SLC43A2: variants seen among roughly 807,000 people sequenced by gnomAD.
SLC43A2 encodes the protein solute carrier family 43 member 2, also known as large neutral amino acids transporter small subunit 4.
A neutral mutation model predicts 63.2 loss-of-function variants in SLC43A2; 38 were observed. The observed-to-expected ratio is 0.60, with a 90% CI of 0.46 to 0.79. SLC43A2 has a LOEUF of 0.79. Ranked by LOEUF, SLC43A2 falls within the 30% of genes least tolerant of loss-of-function variation. The pLI, the probability that SLC43A2 is intolerant of heterozygous loss-of-function variation, is 0.00. For synonymous variants in SLC43A2, 322 were observed against 331.0 expected, an observed-to-expected ratio of 0.97 and a Z score of 0.30; for missense variants, 644 against 756.2, an observed-to-expected ratio of 0.85 and a Z score of 1.74.
At chr17:1,586,928 T>TGGGCCCCCCCCCCCCCCCAAACC in intron 9 of SLC43A2, 2 of 1,232,916 alleles carry the variant, frequency 1.6e-6, no homozygotes, top group Non-Finnish European at 2.2e-6. Flanking sequence ...TCCCTGACAA[T>TGGGCCCCCCCCCCCCCCCAAACC]CCCCCCCACC....
intron 2 of SLC43A2, among the ~76,000 whole-genome samples, chr17:1,626,091 A>C (rs1908639725): frequency 6.7e-6 from 1 of 150,304 alleles, no homozygotes; most frequent in South Asian, 2.1e-4. Context: ...AAAAACACAC[A>C]AAAAAACACC....
Position 1,583,256 on chromosome 17 carries a change from A to T in SLC43A2, c.1298T>A (p.Leu433Gln), listed in dbSNP as rs1478120213. 1 of 1,614,134 alleles carries T rather than the reference A, an allele frequency of 6.2e-7. No individual in the cohort carries two copies. Among genetic ancestry groups the T allele is most frequent in the Non-Finnish European group, 8.5e-7 (1 of 1,180,014 alleles). Residue 433 changes from leucine (L) to glutamine (Q), a missense_variant, in exon 11 of 14, where the codon CTG (leucine) becomes CAG (glutamine). Physicochemically the swap from Leu to Gln is moderately radical, Grantham distance 113. Transcript: ENST00000301335. This position sits in a 1 kb window ranked among gnomAD's most constrained non-coding sequence, Gnocchi z 5.5. ...NAMRAFAFTN[L>Q]LLVGFGVTCL... is the part of the protein sequence containing the mutation. ...GGTCACCCCAAAGCCCACGAGCAGCAGGTTGGTGAAGGCGAAGGCCCGCAT... is the reference window on the plus strand; with the variant it reads ...GGTCACCCCAAAGCCCACGAGCAGCTGGTTGGTGAAGGCGAAGGCCCGCAT...
chr17:1,600,917 T>C (rs1363945906), intron 5 of SLC43A2, among the ~76,000 whole-genome samples: 2 of 151,592 alleles, frequency 1.3e-5, no homozygotes, highest in African/African-American at 2.4e-5. Context: ...GGACCCTCAA[T>C]GTTGACAACT....
At chr17:1,624,899 TAAA>T (rs993513199) in intron 2 of SLC43A2, among the ~76,000 whole-genome samples, 1 of 151,002 alleles carries the variant, frequency 6.6e-6, no homozygotes, top group Non-Finnish European at 1.5e-5. Flanking sequence ...CTGTCTCAAA[TAAA>T]AAAAAACCAT....
In SLC43A2 at chr17:1,591,547, C is replaced by T. The variant is rs766066530; in HGVS notation, c.728+19G>A. 1.6e-5 allele frequency: 25 copies of T among 1,562,754 alleles called. No individual in the cohort carries two copies. Among genetic ancestry groups the T allele is most frequent in the Admixed American group, 3.8e-5 (2 of 52,630 alleles). On this transcript the variant is annotated intron_variant, in intron 7 of 13. Coordinates refer to ENST00000301335, the MANE Select transcript of SLC43A2 (RefSeq NM_152346.3). ...GGGCGGGGGCTGGGGGCAGGCGGGA[C>T]GGGGGCACCTCTACTTACGAGTAGT...
chr17:1,580,623 G>A (rs935500365), intron 11 of SLC43A2, among the ~76,000 whole-genome samples: 1 of 152,046 alleles, frequency 6.6e-6, no homozygotes, highest in African/African-American at 2.4e-5. Context: ...GTGCAGTGGT[G>A]TGGTCTCGGC....
chr17:1,589,658 C>G (rs183919555), intron 9 of SLC43A2, among the ~76,000 whole-genome samples: 1 of 152,282 alleles, frequency 6.6e-6, no homozygotes, highest in African/African-American at 2.4e-5. Context: ...CGCACTCTGT[C>G]GCCCAGGCTG....
At chr17:1,594,792 G>GTA (rs1567625785) in intron 5 of SLC43A2, among the ~76,000 whole-genome samples, 2 of 151,632 alleles carry the variant, frequency 1.3e-5, no homozygotes, top group African/African-American at 2.4e-5. Context: ...GTTTCACCAC[G>GTA]TTAGCCAGGA....
At position 1,570,172 on chromosome 17, in the gene SLC43A2, CG is replaced by C. The variant is rs2075825828; in HGVS notation, c.*5431del. 1 of 151,976 alleles carries C rather than the reference CG, an allele frequency of 6.6e-6. No individual in the cohort carries two copies. Among genetic ancestry groups the C allele is most frequent in the African/African-American group, 2.4e-5 (1 of 41,334 alleles). 9.4% of individuals were successfully genotyped at this position (151,976 alleles called of 1,614,324 possible). A position where few individuals can be genotyped will look rare whatever the true frequency, so the allele number is the denominator to read the frequency against. On this transcript the variant is annotated 3_prime_UTR_variant, in exon 14 of 14. Transcript: ENST00000301335. ...CCTCCCAAAGTGCTGGGATTACAGG[CG>C]TGAGCCACTGCGCCCGGCCCTAATT...
chr17:1,573,683 GATCTC>G lies in SLC43A2; in HGVS notation c.*1916_*1920del, dbSNP rs1273210317. ...TGCCCAGGCTGGAGTGCAATGGTGC[GATCTC>G]GACTCACGGCAATCTCCGTCTCCCC... On this transcript the variant is annotated 3_prime_UTR_variant, in exon 14 of 14. Transcript: ENST00000301335. 6.6e-6 allele frequency: 1 copy of G among 151,912 alleles called. No individual in the cohort carries two copies. The highest frequency in any genetic ancestry group is 1.9e-4 in the East Asian group (1 of 5,188). 9.4% of individuals were successfully genotyped at this position (151,912 alleles called of 1,614,324 possible). A position where few individuals can be genotyped will look rare whatever the true frequency, so the allele number is the denominator to read the frequency against.
chr17:1,605,228 G>A lies in SLC43A2; in HGVS notation c.501+7967C>T, dbSNP rs17626180. The A allele has an allele frequency of 0.39, 424,104 of 1,080,566 alleles. 85,176 individuals are homozygous for A. Among genetic ancestry groups the A allele is most frequent in the Middle Eastern group, 0.56 (1,285 of 2,290 alleles). The allele number at this position is 1,080,566 out of a possible 1,614,324, so 66.9% of individuals were successfully genotyped here. A position where few individuals can be genotyped will look rare whatever the true frequency, so the allele number is the denominator to read the frequency against. Reference sequence around the variant, plus strand: ...CAGCCTCAGTCACACAGGGAAGCCCGTGACTCTCTCTCTTTCAGCCCCCTG... The same window carrying A: ...CAGCCTCAGTCACACAGGGAAGCCCATGACTCTCTCTCTTTCAGCCCCCTG... On this transcript the variant is annotated intron_variant, in intron 5 of 13. Coordinates refer to ENST00000301335, the MANE Select transcript of SLC43A2 (RefSeq NM_152346.3). This position sits in a 1 kb window ranked among gnomAD's most constrained non-coding sequence, Gnocchi z 4.9.
chr17:1,592,064 G>A (rs757281435), intron 6 of SLC43A2, among the ~76,000 whole-genome samples: 5 of 152,232 alleles, frequency 3.3e-5, no homozygotes, highest in African/African-American at 4.8e-5. Flanking sequence ...CCCTGAAGGC[G>A]GGAACCGGCC....
chr17:1,592,252 C>T (rs761641092), intron 6 of SLC43A2, among the ~76,000 whole-genome samples: 2 of 146,142 alleles, frequency 1.4e-5, no homozygotes, highest in Admixed American at 6.8e-5. Context: ...CATGGTGAAA[C>T]CCCATCTCTA....
intron 2 of SLC43A2, among the ~76,000 whole-genome samples, chr17:1,621,151 C>T (rs539814719): frequency 5.9e-5 from 9 of 152,276 alleles, no homozygotes; most frequent in African/African-American, 1.4e-4. Context: ...CAGCCCCACT[C>T]ACAGAAGACG....
chr17:1,600,475 A>T (rs1490058892), intron 5 of SLC43A2, among the ~76,000 whole-genome samples: 1 of 150,182 alleles, frequency 6.7e-6, no homozygotes, highest in Non-Finnish European at 1.5e-5. Context: ...CATAATTTCA[A>T]AGTAGGTCTG....
intron 5 of SLC43A2, 139 bp downstream of exon 5, chr17:1,613,048 GGCCACCTC>G: frequency 1.5e-6 from 1 of 683,686 alleles, no homozygotes; most frequent in East Asian, 2.8e-5. Context: ...GGCCCTGCCA[GGCCACCTC>G]GCCCATAGCC....
chr17:1,576,288 T>C (rs1567605363), intron 13 of SLC43A2, among the ~76,000 whole-genome samples: 1 of 152,104 alleles, frequency 6.6e-6, no homozygotes, highest in Non-Finnish European at 1.5e-5. Context: ...TTCACCATGT[T>C]GGCCAGGCTG....
upstream of SLC43A2, among the ~76,000 whole-genome samples, chr17:1,629,300 T>G (rs1352967727): frequency 6.6e-6 from 1 of 151,494 alleles, no homozygotes; most frequent in African/African-American, 2.4e-5. Flanking sequence ...CGCACGGTGG[T>G]TCCACTCTCG....
chr17:1,616,744 G>A lies in SLC43A2; in HGVS notation c.186C>T (p.Gly62=), dbSNP rs527462886. 96 of 1,613,896 alleles carry A rather than the reference G, an allele frequency of 5.9e-5. No homozygotes were observed. In the South Asian group the frequency reaches 7.4e-4, roughly 12 times the overall value. Residue 62 remains glycine, a synonymous_variant, in exon 3 of 14, where the codon GGC becomes GGT. Transcript: ENST00000301335. ...EPENVTNGTV[G]GTAEPGHEEV... The stretch of plus-strand genomic sequence containing the variant: ...CCTCGTGCCCCGGCTCTGCTGTGCC[G>A]CCCACTGTGCCATTGGTGACATTCT...
Sources: gnomAD v4.1 joint callset for allele counts (sites outside exome capture counted in the v4.1 genomes callset) on GRCh38, gnomAD v4.1.1 for gene constraint, Gnocchi (gnomAD v3.1) non-coding constraint, MANE v1.5 for transcripts, NCBI Gene and HGNC (gene_info 2026-07-23, HGNC 2026-07-21) for gene names.